CXCL13: variants seen among roughly 807,000 people sequenced by gnomAD.
CXCL13 encodes C-X-C motif chemokine 13.
CXCL13 carries 7 observed loss-of-function variants against 12.2 expected under a neutral mutation model. The observed-to-expected ratio is 0.57, with a 90% CI of 0.33 to 1.07. The LOEUF (loss-of-function observed/expected upper bound fraction) is 1.07, where lower values mean the gene tolerates loss of function less well. Among genes scored for constraint, CXCL13 ranks in the 50% least tolerant of loss-of-function variants. The pLI is 0.04. For missense variants in CXCL13, 113 were observed against 127.4 expected (o/e 0.89, Z 0.55); for synonymous variants, 47 against 42.4 (o/e 1.11, Z -0.42).
chr4:77,596,842 A>C (rs924057521), intron 1 of CXCL13, among the ~76,000 whole-genome samples: 5 of 152,024 alleles, frequency 3.3e-5, no homozygotes, highest in Non-Finnish European at 7.4e-5. Context: ...CAATACCCTG[A>C]AGAGATATCT....
At chr4:77,544,428 T>A (rs979653111) in intron 1 of CXCL13, among the ~76,000 whole-genome samples, 2 of 152,208 alleles carry the variant, frequency 1.3e-5, no homozygotes, top group African/African-American at 4.8e-5. Flanking sequence ...GACTTTTTAA[T>A]GATCACTATT....
intron 1 of CXCL13, among the ~76,000 whole-genome samples, chr4:77,545,388 G>C (rs1316242252): frequency 6.6e-6 from 1 of 152,164 alleles, no homozygotes; most frequent in Non-Finnish European, 1.5e-5. Context: ...AGCATGGAAT[G>C]TTCTTCCATT....
At chr4:77,521,826 C>A (rs1724608520) in intron 1 of CXCL13, among the ~76,000 whole-genome samples, 1 of 151,872 alleles carries the variant, frequency 6.6e-6, no homozygotes, top group Admixed American at 6.6e-5. Context: ...TAGATCTTTC[C>A]AGCTTTCTCT....
intron 1 of CXCL13, among the ~76,000 whole-genome samples, chr4:77,569,126 G>C (rs1213779168): frequency 6.6e-6 from 1 of 152,108 alleles, no homozygotes; most frequent in Non-Finnish European, 1.5e-5. Context: ...TCAAAATAAT[G>C]AGACATCTAT....
At position 77,559,032 on chromosome 4, in the gene CXCL13, T is replaced by C. The variant is rs781699227; in HGVS notation, c.-42-46792T>C. Among the ~76,000 whole-genome samples the C allele has an allele frequency of 1.5e-4, 23 of 152,344 alleles. No individual in the cohort carries two copies. In the Middle Eastern group the frequency reaches 0.02, roughly 135 times the overall value. ...CTCATTATTTCTCCAATGTCAGATA[T>C]CAGCATTTTCTTCCACCAGTATACC... On this transcript the variant is annotated intron_variant, in intron 1 of 4. Coordinates refer to the CXCL13 transcript ENST00000286758.
At chr4:77,511,920 T>A (rs561078961) in intron 1 of CXCL13, 1 of 152,254 alleles carries the variant, frequency 6.6e-6, no homozygotes, top group South Asian at 2.1e-4. Flanking sequence ...CTAAGGAATG[T>A]GTATGTTCTA....
At chr4:77,520,776 G>A (rs1724573045) in intron 1 of CXCL13, among the ~76,000 whole-genome samples, 1 of 152,164 alleles carries the variant, frequency 6.6e-6, no homozygotes, top group Admixed American at 6.5e-5. Context: ...GTGAGAGAGG[G>A]CATCTCTGTC....
chr4:77,519,540 C>T (rs1471898112), intron 1 of CXCL13, among the ~76,000 whole-genome samples: 2 of 152,094 alleles, frequency 1.3e-5, no homozygotes, highest in South Asian at 4.1e-4. Context: ...CTGTTCATAT[C>T]CTTTGCCTAC....
At chr4:77,547,458 G>T (rs1486846836) in intron 1 of CXCL13, among the ~76,000 whole-genome samples, 3 of 152,142 alleles carry the variant, frequency 2.0e-5, no homozygotes, top group African/African-American at 4.8e-5. Flanking sequence ...AGCTCTTCTT[G>T]TTGAATTGGT....
intron 1 of CXCL13, among the ~76,000 whole-genome samples, chr4:77,587,342 C>A (rs1364315865): frequency 6.6e-6 from 1 of 152,146 alleles, no homozygotes; most frequent in South Asian, 2.1e-4. Context: ...GACGAACTTT[C>A]ACTGGTTATA....
chr4:77,568,057 T>C (rs1168511185), intron 1 of CXCL13, among the ~76,000 whole-genome samples: 2 of 152,202 alleles, frequency 1.3e-5, no homozygotes, highest in East Asian at 3.8e-4. Flanking sequence ...CCCAATGGAC[T>C]CCCAGGCTGA....
intron 1 of CXCL13, among the ~76,000 whole-genome samples, chr4:77,578,504 C>T (rs1726245261): frequency 1.3e-5 from 2 of 152,164 alleles, no homozygotes; most frequent in Non-Finnish European, 2.9e-5. Context: ...TGGAGAATCT[C>T]TGAGCCACCT....
intron 1 of CXCL13, among the ~76,000 whole-genome samples, chr4:77,571,391 T>C (rs1726075808): frequency 6.6e-6 from 1 of 150,988 alleles, no homozygotes. Context: ...GTGGAGAACC[T>C]TTATGTCTAG....
chr4:77,538,945 A>T (rs1725136120), intron 1 of CXCL13, among the ~76,000 whole-genome samples: 1 of 152,278 alleles, frequency 6.6e-6, no homozygotes, highest in Non-Finnish European at 1.5e-5. Flanking sequence ...GCTCTAGGCA[A>T]GTTTTAGAAC....
chr4:77,593,791 A>G (rs1726674785), intron 1 of CXCL13, among the ~76,000 whole-genome samples: 2 of 152,228 alleles, frequency 1.3e-5, no homozygotes, highest in African/African-American at 4.8e-5. Flanking sequence ...CATATGTCAC[A>G]GTGGTATCAC....
At chr4:77,545,006 C>G (rs961232293) in intron 1 of CXCL13, among the ~76,000 whole-genome samples, 3 of 152,138 alleles carry the variant, frequency 2.0e-5, no homozygotes, top group Non-Finnish European at 1.5e-5. Flanking sequence ...AATAGGGAAT[C>G]CTTTCCCCAT....
intron 1 of CXCL13, among the ~76,000 whole-genome samples, chr4:77,550,951 T>G (rs1211302401): frequency 6.6e-6 from 1 of 152,216 alleles, no homozygotes; most frequent in Non-Finnish European, 1.5e-5. Context: ...ATAGTAACAC[T>G]TGCCCTTTTT....
At chr4:77,578,051 G>C (rs1266109147) in intron 1 of CXCL13, among the ~76,000 whole-genome samples, 1 of 152,110 alleles carries the variant, frequency 6.6e-6, no homozygotes, top group Non-Finnish European at 1.5e-5. Context: ...CTTAGGATTG[G>C]GCCTGGGGAA....
At chr4:77,538,068 C>T (rs983410530) in intron 1 of CXCL13, among the ~76,000 whole-genome samples, 2 of 152,212 alleles carry the variant, frequency 1.3e-5, no homozygotes, top group Admixed American at 1.3e-4. Flanking sequence ...GATGGAGAAA[C>T]TGAGTCCCAG....
Sources: gnomAD v4.1 joint callset for allele counts (sites outside exome capture counted in the v4.1 genomes callset) on GRCh38, gnomAD v4.1.1 for gene constraint, MANE v1.5 for transcripts, NCBI Gene and HGNC (gene_info 2026-07-23, HGNC 2026-07-21) for gene names.